The following COG1 variants were observed in gnomAD, a reference collection of about 807,000 sequenced individuals.
The protein encoded by COG1 is conserved oligomeric Golgi complex subunit 1.
Under a neutral mutation model 102.2 loss-of-function variants are expected in COG1, and 61 were observed. The observed-to-expected ratio is 0.60, with a 90% CI of 0.49 to 0.74. COG1 has a LOEUF of 0.74. Among genes scored for constraint, COG1 ranks in the 30% least tolerant of loss-of-function variants. The pLI, the probability that COG1 is intolerant of heterozygous loss-of-function variation, is 0.00. For missense variants in COG1, 1,164 were observed against 1,232.1 expected, an observed-to-expected ratio of 0.94 and a Z score of 0.83; for synonymous variants, 454 against 493.6, an observed-to-expected ratio of 0.92 and a Z score of 1.06.
chr17:73,201,801 G>C lies in COG1; in HGVS notation c.1974G>C (p.Gln658His). Residue 658 changes from glutamine (Q) to histidine (H), a missense_variant, in exon 7 of 14, where the codon CAG (glutamine) becomes CAC (histidine). Physicochemically the swap from Gln to His is conservative, Grantham distance 24. Coordinates refer to ENST00000299886, the MANE Select transcript of COG1 (RefSeq NM_018714.3). ...GAAAACAGGGAAAGGTGAAAACTCA[G>C]GAAATCATTCCTACACAGGCCAAGT... is the stretch of plus-strand genomic sequence containing the variant. ...ALRKQGKVKTQEIIPTQAKWQ... is the reference protein window; with the variant it reads ...ALRKQGKVKTHEIIPTQAKWQ... 1 of 1,614,194 alleles carries C rather than the reference G, an allele frequency of 6.2e-7. No homozygotes were observed. The highest frequency in any genetic ancestry group is 1.7e-5 in the Admixed American group (1 of 60,020).
rs781470881 is a variant in COG1, at chr17:73,208,457, C to T, written c.*6C>T. On this transcript the variant is annotated 3_prime_UTR_variant, in exon 14 of 14. Coordinates refer to ENST00000299886, the MANE Select transcript of COG1 (RefSeq NM_018714.3). ...TCTCTAGTATGACTAAGTAACATGG[C>T]AACACATCTGTCTCTCCCTAAATAA... The T allele has an allele frequency of 1.9e-5, 30 of 1,613,710 alleles. No individual in the cohort carries two copies. The East Asian group carries it at 6.7e-4, about 36-fold the overall frequency.
At chr17:73,205,716 C>G in intron 10 of COG1, 36 bp downstream of exon 10, 1 of 1,612,406 alleles carries the variant, frequency 6.2e-7, no homozygotes. Context: ...TCAAGGCGGT[C>G]TCTTCCAAAA....
At position 73,201,213 on chromosome 17, in the gene COG1, T is replaced by C; in HGVS notation, c.1386T>C (p.Asn462=). 1 of 1,614,132 alleles carries C rather than the reference T, an allele frequency of 6.2e-7. No individual in the cohort carries two copies. The change falls in exon 7 of 14, where the codon AAT becomes AAC. Residue 462 remains asparagine (N), a synonymous_variant. Transcript: ENST00000299886. The part of the protein sequence containing the change: ...LESSTSNSPS[N]KHIHFEYNMS... ...GCAGCACCAGCAACTCCCCTTCAAA[T>C]AAGCACATCCACTTTGAGTACAACA...
chr17:73,206,015 A>G (rs1290622480), intron 10 of COG1, 139 bp from the exon 11 acceptor site: 13 of 763,306 alleles, frequency 1.7e-5, no homozygotes, highest in Admixed American at 1.6e-4. Flanking sequence ...CTTAAGCACT[A>G]TCATCAGTGA....
chr17:73,206,125 G>C (rs757071307), intron 10 of COG1, 29 bp from the exon 11 acceptor site: 1 of 1,511,152 alleles, frequency 6.6e-7, no homozygotes, highest in Non-Finnish European at 9.2e-7. Context: ...AAAAAATGTG[G>C]ACAGTAATGA....
At chr17:73,197,477 T>C (rs1041016995) in intron 4 of COG1, 81 bp downstream of exon 4, 5 of 1,480,238 alleles carry the variant, frequency 3.4e-6, no homozygotes, top group Admixed American at 1.7e-5. Context: ...CCAGCCACCA[T>C]GCTAGGCTCT....
chr17:73,199,836 G>C (rs1168033008), intron 4 of COG1, 29 bp from the exon 5 acceptor site: 2 of 1,613,934 alleles, frequency 1.2e-6, no homozygotes, highest in Non-Finnish European at 1.7e-6. Flanking sequence ...GGGTGGCCTA[G>C]ATGGCTTCTC....
chr17:73,205,951 T>A, intron 10 of COG1: 1 of 629,222 alleles, frequency 1.6e-6, no homozygotes, highest in Non-Finnish European at 2.8e-6. Context: ...GCCCTCCTTA[T>A]AGACAGAACG....
rs781584420 is a variant in COG1, at chr17:73,206,843, G to T, written c.2729+26G>T. The T allele has an allele frequency of 3.3e-6, 5 of 1,536,792 alleles. 1 individual carries two copies. The South Asian group carries it at 5.6e-5, about 17-fold the overall frequency. ...GTAAAGGCTGCCAAGAGGCTTCTGC[G>T]GGGCACTTCGGGAGGCCAAGGTGGA... On this transcript the variant is annotated intron_variant, in intron 12 of 13. Transcript: ENST00000299886.
At chr17:73,199,803 CCT>C in intron 4 of COG1, 60 bp from the exon 5 acceptor site, 2 of 1,606,302 alleles carry the variant, frequency 1.2e-6, no homozygotes, top group Middle Eastern at 1.8e-4. Flanking sequence ...GGCCTAACTC[CCT>C]GTTTCAATAT....
intron 8 of COG1, 87 bp downstream of exon 8, chr17:73,203,233 TCTGAGGAATAGCTG>T: frequency 2.0e-6 from 3 of 1,501,770 alleles, no homozygotes; most frequent in Non-Finnish European, 2.7e-6. Flanking sequence ...ACATACAACT[TCTGAGGAATAGCTG>T]AAAGTAACAT....
At position 73,193,210 on chromosome 17, in the gene COG1, G is replaced by T; in HGVS notation, c.141G>T (p.Glu47Asp). The T allele has an allele frequency of 6.2e-7, 1 of 1,609,090 alleles. No individual in the cohort carries two copies. Residue 47 changes from glutamate (E) to aspartate (D), a missense_variant, in exon 1 of 14, where the codon GAG becomes GAT. By Grantham distance (45) the Glu-to-Asp change is conservative (BLOSUM62 2). Coordinates refer to ENST00000299886, the MANE Select transcript of COG1 (RefSeq NM_018714.3). The stretch of plus-strand genomic sequence containing the variant: ...CCGAGATCGAGCACAAGAAGGAGGA[G>T]CTGCGGCAGATGGTGGGCGAACGGT... ...VRAEIEHKKE[E>D]LRQMVGERYR...
At chr17:73,204,900 C>A (rs1016749685) in intron 9 of COG1, among the ~76,000 whole-genome samples, 1 of 152,136 alleles carries the variant, frequency 6.6e-6, no homozygotes, top group Admixed American at 6.5e-5. Context: ...CGATGGCTGA[C>A]ACCTGTAATC....
intron 1 of COG1, among the ~76,000 whole-genome samples, chr17:73,195,613 C>CAAAAAA (rs35060532): frequency 1.2e-5 from 1 of 82,250 alleles, no homozygotes; most frequent in East Asian, 3.9e-4. Context: ...GATGCTGTCC[C>CAAAAAA]AAAAAAAAAA....
chr17:73,200,151 C>A, intron 5 of COG1, 130 bp downstream of exon 5: 2 of 1,131,746 alleles, frequency 1.8e-6, no homozygotes, highest in Non-Finnish European at 1.3e-6. Flanking sequence ...CATCAGCCAG[C>A]CTCTCACTCT....
intron 10 of COG1, 106 bp downstream of exon 10, chr17:73,205,786 G>GTGTT (rs2061368227): frequency 6.9e-7 from 1 of 1,444,188 alleles, no homozygotes; most frequent in African/African-American, 1.4e-5. Context: ...CACATTCATT[G>GTGTT]TGTTTGTTTT....
intron 11 of COG1, 99 bp from the exon 12 acceptor site, chr17:73,206,609 T>G: frequency 1.2e-6 from 1 of 814,816 alleles, no homozygotes; most frequent in Non-Finnish European, 2.1e-6. Flanking sequence ...AAATGACAGT[T>G]AGAAATACGG....
intron 12 of COG1, 65 bp downstream of exon 12, chr17:73,206,882 G>A (rs1380752924): frequency 2.6e-6 from 3 of 1,139,610 alleles, no homozygotes; most frequent in South Asian, 1.2e-5. Flanking sequence ...ATCACGTCAG[G>A]AGATCGAGAC....
At chr17:73,207,382 T>G in intron 13 of COG1, 126 bp downstream of exon 13, 1 of 917,094 alleles carries the variant, frequency 1.1e-6, no homozygotes, top group South Asian at 1.4e-5. Context: ...ATGCTGCTTT[T>G]AATGGCGGCG....
Sources: gnomAD v4.1 joint callset for allele counts (sites outside exome capture counted in the v4.1 genomes callset) on GRCh38, gnomAD v4.1.1 for gene constraint, MANE v1.5 for transcripts, NCBI Gene and HGNC (gene_info 2026-07-23, HGNC 2026-07-21) for gene names.